Variants in ATP6V1A observed in about 807,000 individuals in gnomAD.
The protein encoded by ATP6V1A is ATPase H+ transporting V1 subunit A, also known as V-type proton ATPase catalytic subunit A.
ATP6V1A carries 18 observed loss-of-function variants against 70.1 expected under a neutral mutation model. The ratio of observed to expected loss-of-function variants is 0.26; its 90% confidence interval spans 0.18 to 0.38. The LOEUF (loss-of-function observed/expected upper bound fraction) is 0.38, where lower values mean the gene tolerates loss of function less well. ATP6V1A is among the 10% of genes least tolerant of loss of function. The pLI is 1.00. For synonymous variants in ATP6V1A, 232 were observed against 253.8 expected (o/e 0.91, Z 0.82); for missense variants, 424 against 772.4 (o/e 0.55, Z 5.35).
intron 1 of ATP6V1A, among the ~76,000 whole-genome samples, chr3:113,761,608 T>C (rs1347612680): frequency 6.6e-6 from 1 of 151,196 alleles, no homozygotes; most frequent in African/African-American, 2.4e-5. Context: ...TGGAGGCACA[T>C]GCCTGTAATC....
intron 12 of ATP6V1A, among the ~76,000 whole-genome samples, chr3:113,802,344 A>T (rs1054804150): frequency 6.6e-6 from 1 of 152,126 alleles, no homozygotes; most frequent in African/African-American, 2.4e-5. Flanking sequence ...TAATTAATTT[A>T]TTTATTTGAG....
At chr3:113,755,484 C>T (rs1393277661) in intron 1 of ATP6V1A, among the ~76,000 whole-genome samples, 2 of 151,274 alleles carry the variant, frequency 1.3e-5, no homozygotes, top group Non-Finnish European at 2.9e-5. Flanking sequence ...ACATCTAGTT[C>T]CCGCTATTCG....
intron 11 of ATP6V1A, among the ~76,000 whole-genome samples, chr3:113,797,346 G>A (rs973559715): frequency 1.3e-5 from 2 of 151,754 alleles, no homozygotes; most frequent in Non-Finnish European, 2.9e-5. Flanking sequence ...TTCATCTTCC[G>A]GGTTCAAGCA....
chr3:113,768,160 C>A (rs948427113), intron 1 of ATP6V1A, among the ~76,000 whole-genome samples: 11 of 152,052 alleles, frequency 7.2e-5, no homozygotes, highest in African/African-American at 2.7e-4. Context: ...TAATTTTATT[C>A]CAATAAGAAT....
rs547518489 is a variant in ATP6V1A, at chr3:113,787,915, C to G, written c.717-798C>G. 1.3e-4 allele frequency among the ~76,000 whole-genome samples: 19 copies of G among 150,104 alleles called. No homozygotes were observed. The South Asian group carries it at 3.5e-3, about 28-fold the overall frequency. On this transcript the variant is annotated intron_variant, in intron 6 of 14. Transcript: ENST00000273398. Reference sequence around the variant, plus strand: ...AACCGTCTCCTATCTCTCTCTCTTTCTCTCTCTGTCTCTCGCTTTTTAAGA... The same window carrying G: ...AACCGTCTCCTATCTCTCTCTCTTTGTCTCTCTGTCTCTCGCTTTTTAAGA...
At chr3:113,757,578 C>T (rs1480930548) in intron 1 of ATP6V1A, among the ~76,000 whole-genome samples, 3 of 152,110 alleles carry the variant, frequency 2.0e-5, no homozygotes, top group African/African-American at 7.2e-5. Context: ...TGCCATTAGC[C>T]CCATTCTGAA....
intron 1 of ATP6V1A, among the ~76,000 whole-genome samples, chr3:113,776,040 C>T (rs1437694744): frequency 6.6e-6 from 1 of 152,114 alleles, no homozygotes; most frequent in Non-Finnish European, 1.5e-5. Flanking sequence ...GCTTCTTCTA[C>T]TGTATTTTCA....
At chr3:113,748,798 C>T (rs1708552218) in intron 1 of ATP6V1A, among the ~76,000 whole-genome samples, 1 of 152,178 alleles carries the variant, frequency 6.6e-6, no homozygotes, top group Non-Finnish European at 1.5e-5. Flanking sequence ...TTCGTACTTA[C>T]GACCCATACT....
At chr3:113,756,172 C>T (rs1177111785) in intron 1 of ATP6V1A, among the ~76,000 whole-genome samples, 2 of 152,156 alleles carry the variant, frequency 1.3e-5, no homozygotes, top group African/African-American at 4.8e-5. Context: ...TGGTAGGGCT[C>T]AGGATTAGAG....
chr3:113,806,084 G>A (rs1466677491), intron 14 of ATP6V1A, among the ~76,000 whole-genome samples: 1 of 151,966 alleles, frequency 6.6e-6, no homozygotes, highest in African/African-American at 2.4e-5. Flanking sequence ...ACCAGCCTGG[G>A]CAACATGTCG....
At chr3:113,798,844 A>G (rs1315115312) in intron 12 of ATP6V1A, among the ~76,000 whole-genome samples, 3 of 152,216 alleles carry the variant, frequency 2.0e-5, no homozygotes, top group African/African-American at 7.2e-5. Context: ...CTTCAAGGAA[A>G]GATGGTGTAA....
At chr3:113,750,846 A>G (rs1708578227) in intron 1 of ATP6V1A, among the ~76,000 whole-genome samples, 1 of 152,202 alleles carries the variant, frequency 6.6e-6, no homozygotes, top group Non-Finnish European at 1.5e-5. Flanking sequence ...GGTTTGGGGC[A>G]TGAAGAAGAG....
intron 1 of ATP6V1A, among the ~76,000 whole-genome samples, chr3:113,763,066 A>C (rs12632983): frequency 0.36 from 55,056 of 151,758 alleles, 10,055 homozygotes; most frequent in African/African-American, 0.41. Context: ...TTAGTCAATT[A>C]ACATCTCTTT....
chr3:113,793,537 T>G (rs1426296455), intron 8 of ATP6V1A, among the ~76,000 whole-genome samples: 1 of 152,230 alleles, frequency 6.6e-6, no homozygotes, highest in Non-Finnish European at 1.5e-5. Context: ...TTTCTGCCAT[T>G]TCTTTCTAAT....
At chr3:113,770,778 G>T (rs1237557151) in intron 1 of ATP6V1A, among the ~76,000 whole-genome samples, 3 of 151,796 alleles carry the variant, frequency 2.0e-5, no homozygotes, top group Non-Finnish European at 4.4e-5. Flanking sequence ...TCATAGTTTG[G>T]ACCTTATAGA....
chr3:113,782,990 ATAG>A (rs1708996645), intron 3 of ATP6V1A, among the ~76,000 whole-genome samples: 1 of 152,168 alleles, frequency 6.6e-6, no homozygotes, highest in Non-Finnish European at 1.5e-5. Flanking sequence ...AATGTTAAAT[ATAG>A]AACCTAGCTT....
chr3:113,781,072 G>T lies in ATP6V1A; in HGVS notation c.105G>T (p.Ala35=). 6.2e-7 allele frequency: 1 copy of T among 1,605,740 alleles called. No homozygotes were observed. The highest frequency in any genetic ancestry group is 1.7e-4 in the Middle Eastern group (1 of 6,032). ...CAGTGGTTACAGCCTGTGACATGGC[G>T]GGTGCAGCCATGTATGAGCTGGTGA... ...SGPVVTACDM[A]GAAMYELVRV... The change falls in exon 3 of 15, where the codon GCG becomes GCT. Residue 35 remains alanine, a synonymous_variant. Transcript: ENST00000273398.
chr3:113,757,327 A>C (rs1435786154), intron 1 of ATP6V1A, among the ~76,000 whole-genome samples: 1 of 152,182 alleles, frequency 6.6e-6, no homozygotes, highest in African/African-American at 2.4e-5. Context: ...AGGCTGTCAG[A>C]AACAGTTATT....
At chr3:113,750,458 G>A (rs1171962346) in intron 1 of ATP6V1A, among the ~76,000 whole-genome samples, 3 of 152,032 alleles carry the variant, frequency 2.0e-5, no homozygotes, top group Non-Finnish European at 2.9e-5. Context: ...CTCCAGCCTG[G>A]GCAACAGAGT....
Sources: gnomAD v4.1 joint callset for allele counts (sites outside exome capture counted in the v4.1 genomes callset) on GRCh38, gnomAD v4.1.1 for gene constraint, MANE v1.5 for transcripts, NCBI Gene and HGNC (gene_info 2026-07-23, HGNC 2026-07-21) for gene names.